PTK2B: variants seen among roughly 807,000 people sequenced by gnomAD.
PTK2B encodes the protein protein tyrosine kinase 2 beta.
PTK2B carries 71 observed loss-of-function variants against 142.9 expected under a neutral mutation model. That is an observed-to-expected ratio of 0.50 (90% CI 0.41 to 0.61). The LOEUF is 0.61. PTK2B is among the 20% of genes least tolerant of loss of function. PTK2B has a pLI of 0.00. For synonymous variants in PTK2B, 519 were observed against 503.4 expected (o/e 1.03, Z -0.42); for missense variants, 1,105 against 1,320.4 (o/e 0.84, Z 2.53).
intron 1 of PTK2B, among the ~76,000 whole-genome samples, chr8:27,328,047 G>A (rs1056233547): frequency 6.6e-6 from 1 of 152,182 alleles, no homozygotes; most frequent in Non-Finnish European, 1.5e-5. Flanking sequence ...GTGAGAACTC[G>A]TGGGGTTAGC....
At chr8:27,431,079 C>G in intron 8 of PTK2B, 63 bp downstream of exon 8, 1 of 1,569,774 alleles carries the variant, frequency 6.4e-7, no homozygotes, top group East Asian at 2.3e-5. Context: ...GAAAAGGGGG[C>G]CAGGAGGGGG....
chr8:27,352,160 C>T (rs533611204), intron 1 of PTK2B, among the ~76,000 whole-genome samples: 36 of 152,340 alleles, frequency 2.4e-4, no homozygotes, highest in African/African-American at 7.9e-4. Flanking sequence ...CGCTGCTGTC[C>T]CTGACTCTTC....
chr8:27,368,107 C>T (rs372818335), intron 1 of PTK2B, among the ~76,000 whole-genome samples: 23 of 152,334 alleles, frequency 1.5e-4, no homozygotes, highest in African/African-American at 4.1e-4. Context: ...TGTTAGCAGA[C>T]GCCAGATGGC....
At chr8:27,377,447 G>A (rs1563232688) in intron 1 of PTK2B, among the ~76,000 whole-genome samples, 1 of 152,164 alleles carries the variant, frequency 6.6e-6, no homozygotes, top group Non-Finnish European at 1.5e-5. Context: ...GATTAGACTG[G>A]GCCATGACAG....
In PTK2B at chr8:27,458,702, C is replaced by T; in HGVS notation, c.*193C>T. The stretch of plus-strand genomic sequence containing the variant: ...TCAGGCTGCAGCTGGACAGAGGGGA[C>T]TCTGGGCTATGGACACAGGGTGACG... On this transcript the variant is annotated 3_prime_UTR_variant, in exon 31 of 31. Transcript: ENST00000346049. The T allele has an allele frequency of 1.6e-6, 1 of 622,418 alleles. No homozygotes were observed. The highest frequency in any genetic ancestry group is 2.8e-6 in the Non-Finnish European group (1 of 357,338). The allele number at this position is 622,418 out of a possible 1,614,324, so 38.6% of individuals were successfully genotyped here. A position where few individuals can be genotyped will look rare whatever the true frequency, so the allele number is the denominator to read the frequency against.
intron 1 of PTK2B, among the ~76,000 whole-genome samples, chr8:27,346,373 C>CA (rs959239696): frequency 4.6e-5 from 7 of 151,548 alleles, no homozygotes; most frequent in African/African-American, 1.5e-4. Context: ...TGCCTCCACA[C>CA]AAAAAAAATA....
At chr8:27,419,747 C>A in intron 2 of PTK2B, 148 bp from the exon 3 acceptor site, 1 of 823,234 alleles carries the variant, frequency 1.2e-6, no homozygotes, top group Non-Finnish European at 1.9e-6. Context: ...GTGTACAAAT[C>A]TTCCCCTAAA....
intron 4 of PTK2B, 56 bp downstream of exon 4, chr8:27,420,800 G>T (rs1586284851): frequency 6.8e-7 from 1 of 1,463,540 alleles, no homozygotes; most frequent in East Asian, 2.3e-5. Flanking sequence ...CAAATGCCAA[G>T]CATGAACCGT....
intron 1 of PTK2B, among the ~76,000 whole-genome samples, chr8:27,374,157 G>A (rs531028000): frequency 1.5e-4 from 23 of 152,308 alleles, no homozygotes; most frequent in African/African-American, 5.3e-4. Flanking sequence ...GCACATTGGG[G>A]CTTCTAAGTC....
At chr8:27,337,760 C>G (rs552724160) in intron 1 of PTK2B, among the ~76,000 whole-genome samples, 1 of 152,278 alleles carries the variant, frequency 6.6e-6, no homozygotes, top group Admixed American at 6.5e-5. Context: ...TTTTGTTTAT[C>G]TCTTCATTAG....
chr8:27,360,503 C>T (rs1431333098), intron 1 of PTK2B, among the ~76,000 whole-genome samples: 2 of 152,148 alleles, frequency 1.3e-5, no homozygotes, highest in African/African-American at 4.8e-5. Flanking sequence ...TTTCTGGTGC[C>T]CTTCCTCCTT....
At chr8:27,393,346 C>T (rs1044941746) in intron 1 of PTK2B, among the ~76,000 whole-genome samples, 1 of 152,236 alleles carries the variant, frequency 6.6e-6, no homozygotes, top group African/African-American at 2.4e-5. Flanking sequence ...GAGGAACTTG[C>T]ATCAGGCTGA....
intron 1 of PTK2B, among the ~76,000 whole-genome samples, chr8:27,333,226 A>G: frequency 6.6e-6 from 1 of 152,216 alleles, no homozygotes; most frequent in East Asian, 1.9e-4. Context: ...GGTGGAACCA[A>G]GAGTGGCAAA....
chr8:27,321,073 C>T (rs751847552), upstream of PTK2B, among the ~76,000 whole-genome samples: 96 of 131,644 alleles, frequency 7.3e-4, no homozygotes, highest in Non-Finnish European at 1.1e-3. Context: ...TAGCTCATTG[C>T]ATCCTCAGTC....
chr8:27,409,297 C>T (rs915774980), intron 2 of PTK2B, among the ~76,000 whole-genome samples: 2 of 151,968 alleles, frequency 1.3e-5, no homozygotes, highest in African/African-American at 4.8e-5. Flanking sequence ...GAAACAAAAA[C>T]CTTATCACAG....
chr8:27,450,967 G>A (rs1352647658), intron 25 of PTK2B, 72 bp downstream of exon 25: 2 of 1,612,462 alleles, frequency 1.2e-6, no homozygotes, highest in Admixed American at 3.3e-5. Context: ...AGGTGGCTGG[G>A]GCAAGGGTCC....
rs1311312286 is a variant in PTK2B, at chr8:27,431,025, G to A, written c.810+9G>A. The A allele has an allele frequency of 5.0e-6, 8 of 1,610,180 alleles. No individual in the cohort carries two copies. Among genetic ancestry groups the A allele is most frequent in the Middle Eastern group, 1.7e-4 (1 of 6,052 alleles). ...ACCGCTGTGAACTCATTGTAATGGC[G>A]GGCTCTCTTGATCCTCTCCCTGACC... On this transcript the variant is annotated intron_variant, in intron 8 of 30. Coordinates refer to ENST00000346049, the MANE Select transcript of PTK2B (RefSeq NM_173176.3).
chr8:27,335,799 G>A (rs1804025599), intron 1 of PTK2B, among the ~76,000 whole-genome samples: 1 of 152,118 alleles, frequency 6.6e-6, no homozygotes, highest in African/African-American at 2.4e-5. Flanking sequence ...GCCTGTTCAA[G>A]CCTCCTGTTT....
intron 1 of PTK2B, among the ~76,000 whole-genome samples, chr8:27,347,067 C>T (rs144312364): frequency 1.3e-3 from 193 of 152,258 alleles, no homozygotes; most frequent in Non-Finnish European, 1.5e-3. Flanking sequence ...ATCAATGATT[C>T]TGTTGCCATC....
Sources: allele counts gnomAD v4.1 joint callset (sites outside exome capture counted in the v4.1 genomes callset), GRCh38; gene constraint gnomAD v4.1.1; transcripts MANE v1.5; gene names NCBI Gene and HGNC (gene_info 2026-07-23, HGNC 2026-07-21).